ARHGAP29: variants seen among roughly 807,000 people sequenced by gnomAD.
ARHGAP29 encodes Rho GTPase activating protein 29.
ARHGAP29 carries 43 observed loss-of-function variants against 122.6 expected under a neutral mutation model. That is an observed-to-expected ratio of 0.35 (90% CI 0.27 to 0.45). The LOEUF is 0.45. Ranked by LOEUF, ARHGAP29 falls within the 20% of genes least tolerant of loss-of-function variation. The pLI is 1.00. For synonymous variants in ARHGAP29, 506 were observed against 497.1 expected (o/e 1.02, Z -0.24); for missense variants, 1,303 against 1,477.2 (o/e 0.88, Z 1.93).
chr1:94,237,321 C>T, intron 1 of ARHGAP29, 94 bp downstream of exon 1: 1 of 887,156 alleles, frequency 1.1e-6, no homozygotes, highest in Non-Finnish European at 1.4e-6. Context: ...GCCTCCCGGA[C>T]CCTGGACGGC....
intron 12 of ARHGAP29, 148 bp downstream of exon 12, chr1:94,201,572 A>G (rs1650852198): frequency 4.2e-6 from 3 of 711,212 alleles, no homozygotes; most frequent in African/African-American, 1.9e-5. Context: ...GGTAATCATA[A>G]TCGAAGCTCA....
intron 12 of ARHGAP29, chr1:94,192,234 C>G (rs112089677): frequency 7.9e-5 from 12 of 152,092 alleles, no homozygotes; most frequent in African/African-American, 2.9e-4. Context: ...AAAATCTGAA[C>G]AGAATGCACA....
rs774083258 is a variant in ARHGAP29, at chr1:94,174,691, A to G, written c.2964T>C (p.Asp988=). Residue 988 remains aspartate (D), a synonymous_variant, in exon 23 of 23, where the codon GAT becomes GAC. Transcript: ENST00000260526. The part of the protein sequence containing the change: ...EAESASQKIE[D]GKTPKPLSLK... ...GAGAAAGTGGCTTAGGGGTTTTACC[A>G]TCTTCTATCTTTTGGGATGCTGATT... 6.2e-7 allele frequency: 1 copy of G among 1,614,120 alleles called. No homozygotes were observed. The highest frequency in any genetic ancestry group is 1.1e-5 in the South Asian group (1 of 91,074).
chr1:94,209,051 A>C, intron 4 of ARHGAP29, 147 bp from the exon 5 acceptor site: 1 of 827,154 alleles, frequency 1.2e-6, no homozygotes. Context: ...AACCACAGTC[A>C]CTTGCAAATG....
chr1:94,188,473 A>G (rs1021979480), intron 15 of ARHGAP29, among the ~76,000 whole-genome samples: 1 of 152,082 alleles, frequency 6.6e-6, no homozygotes, highest in Non-Finnish European at 1.5e-5. Context: ...AAATCACAAT[A>G]GCGTAATTCA....
upstream of ARHGAP29, among the ~76,000 whole-genome samples, chr1:94,276,466 T>C (rs1655193857): frequency 6.6e-6 from 1 of 151,240 alleles, no homozygotes; most frequent in East Asian, 2.0e-4. Flanking sequence ...ATAGAAGCAT[T>C]AGGAAGTCCT....
intron 1 of ARHGAP29, among the ~76,000 whole-genome samples, chr1:94,266,605 G>A (rs1261853578): frequency 1.3e-5 from 2 of 152,122 alleles, no homozygotes; most frequent in African/African-American, 4.8e-5. Flanking sequence ...GGGGCTCAGG[G>A]TGTAGAACAC....
chr1:94,243,766 T>C (rs1409116428), intron 1 of ARHGAP29, among the ~76,000 whole-genome samples: 3 of 151,602 alleles, frequency 2.0e-5, no homozygotes, highest in African/African-American at 7.2e-5. Flanking sequence ...TTTGAAAAGA[T>C]TAAATTGATA....
chr1:94,239,175 C>T (rs907722439), upstream of ARHGAP29, among the ~76,000 whole-genome samples: 4 of 152,132 alleles, frequency 2.6e-5, no homozygotes, highest in African/African-American at 9.7e-5. Flanking sequence ...GATGCCTGAA[C>T]TGAAGCAAAC....
chr1:94,229,842 C>T (rs533446586), intron 2 of ARHGAP29, among the ~76,000 whole-genome samples: 3 of 151,316 alleles, frequency 2.0e-5, no homozygotes, highest in Non-Finnish European at 4.4e-5. Context: ...GATAAGTAGT[C>T]CAGCTTGTTT....
chr1:94,305,880 A>G, the ARHGAP29 span, among the ~76,000 whole-genome samples: 134 of 152,348 alleles, frequency 8.8e-4, no homozygotes, highest in African/African-American at 3.2e-3. Flanking sequence ...CATATGATAC[A>G]TGAGCAGAGC....
At chr1:94,198,364 G>A (rs1430472364) in intron 12 of ARHGAP29, among the ~76,000 whole-genome samples, 1 of 152,058 alleles carries the variant, frequency 6.6e-6, no homozygotes, top group Non-Finnish European at 1.5e-5. Context: ...TGTAGTCTTA[G>A]CTACCTGGGA....
At chr1:94,285,083 G>A in the ARHGAP29 span, among the ~76,000 whole-genome samples, 1 of 152,198 alleles carries the variant, frequency 6.6e-6, no homozygotes, top group African/African-American at 2.4e-5. Context: ...ACAAGGCACA[G>A]AGTGAGGTGT....
chr1:94,218,915 C>A (rs1652114029), intron 3 of ARHGAP29, among the ~76,000 whole-genome samples: 1 of 152,108 alleles, frequency 6.6e-6, no homozygotes, highest in Non-Finnish European at 1.5e-5. Flanking sequence ...ATCCTGTTCA[C>A]CAATCTCATC....
At chr1:94,212,403 T>C (rs1423695062) in intron 3 of ARHGAP29, among the ~76,000 whole-genome samples, 2 of 152,228 alleles carry the variant, frequency 1.3e-5, no homozygotes, top group Non-Finnish European at 2.9e-5. Context: ...AATTGCACCA[T>C]TGTTTATTAT....
intron 2 of ARHGAP29, among the ~76,000 whole-genome samples, chr1:94,222,119 A>G (rs11165098): frequency 0.48 from 72,499 of 152,004 alleles, 18,095 homozygotes; most frequent in Middle Eastern, 0.66. Context: ...TTGGATTATA[A>G]CCTAAAGTAT....
chr1:94,235,545 G>A (rs1197928630), intron 1 of ARHGAP29, among the ~76,000 whole-genome samples: 1 of 152,140 alleles, frequency 6.6e-6, no homozygotes, highest in African/African-American at 2.4e-5. Flanking sequence ...TAAGTGGATT[G>A]TGAGCAAGAA....
intron 3 of ARHGAP29, among the ~76,000 whole-genome samples, chr1:94,213,273 G>A (rs1158915759): frequency 1.3e-5 from 2 of 152,018 alleles, no homozygotes; most frequent in African/African-American, 2.4e-5. Flanking sequence ...TCCTCCTCCC[G>A]GGTTCCCGCC....
chr1:94,255,089 T>C (rs974007020), intron 1 of ARHGAP29, among the ~76,000 whole-genome samples: 2 of 152,186 alleles, frequency 1.3e-5, no homozygotes, highest in African/African-American at 4.8e-5. Context: ...AATTCATATG[T>C]TAAAGTCCTA....
Sources: allele counts gnomAD v4.1 joint callset (sites outside exome capture counted in the v4.1 genomes callset), GRCh38; gene constraint gnomAD v4.1.1; transcripts MANE v1.5; gene names NCBI Gene and HGNC (gene_info 2026-07-23, HGNC 2026-07-21).